HIF3A: variants seen among roughly 807,000 people sequenced by gnomAD.
HIF3A encodes hypoxia-inducible factor 3-alpha.
Under a neutral mutation model 67.2 loss-of-function variants are expected in HIF3A, and 41 were observed. The observed-to-expected ratio is 0.61, with a 90% CI of 0.48 to 0.79. HIF3A has a LOEUF of 0.79. Among genes scored for constraint, HIF3A ranks in the 30% least tolerant of loss-of-function variants. The pLI, the probability that HIF3A is intolerant of heterozygous loss-of-function variation, is 0.00. For synonymous variants in HIF3A, 356 were observed against 374.8 expected, an observed-to-expected ratio of 0.95 and a Z score of 0.58; for missense variants, 855 against 898.0, an observed-to-expected ratio of 0.95 and a Z score of 0.61.
rs1968761326 is a variant in HIF3A at position 46,305,475 on chromosome 19, CT to C, written c.363+88del. 2.4e-6 allele frequency: 3 copies of C among 1,268,056 alleles called. No homozygotes were observed. In the Admixed American group the frequency reaches 6.0e-5, roughly 25 times the overall value. The allele number at this position is 1,268,056 out of a possible 1,614,324, so 78.6% of individuals were successfully genotyped here. A position where few individuals can be genotyped will look rare whatever the true frequency, so the allele number is the denominator to read the frequency against. ...GTGACCAGGACAGCCATAGCCCTAC[CT>C]TTATGGGACTCACAATACAAAGGGG... On this transcript the variant is annotated intron_variant, in intron 3 of 14. Coordinates refer to ENST00000377670, the MANE Select transcript of HIF3A (RefSeq NM_152795.4).
rs753584193 is a variant in HIF3A, at chr19:46,329,194, C to T, written c.1441-13C>T. ...CAAGGCTCATCCTCTTACCTCCCTC[C>T]TGCCCTCCGCAGGATGCTGATGCTC... On this transcript the variant is annotated splice_polypyrimidine_tract_variant and intron_variant, in intron 11 of 14. Transcript: ENST00000377670. The T allele has an allele frequency of 5.7e-6, 9 of 1,584,260 alleles. No homozygotes were observed. The South Asian group carries it at 9.2e-5, about 16-fold the overall frequency.
chr19:46,333,066 A>G (rs1047613425), intron 13 of HIF3A, among the ~76,000 whole-genome samples: 1 of 151,942 alleles, frequency 6.6e-6, no homozygotes, highest in East Asian at 1.9e-4. Context: ...ATATACATAT[A>G]TAACAGCTTA....
chr19:46,329,419 C>T lies in HIF3A; in HGVS notation c.1653C>T (p.Cys551=). 3.1e-6 allele frequency: 5 copies of T among 1,591,510 alleles called. No individual in the cohort carries two copies. The highest frequency in any genetic ancestry group is 4.3e-6 in the Non-Finnish European group (5 of 1,167,854). Residue 551 remains cysteine, a synonymous_variant, in exon 12 of 15, where the codon TGC becomes TGT. Coordinates refer to ENST00000377670, the MANE Select transcript of HIF3A (RefSeq NM_152795.4). ...GGGGGAGTGACCCCCGGCTGAGCTG[C>T]TCCAGCCCTTCCAGAGGGGACCCCT... ...PRWGSDPRLS[C]SSPSRGDPSA...
intron 10 of HIF3A, among the ~76,000 whole-genome samples, chr19:46,324,314 A>G (rs1970600321): frequency 6.6e-6 from 1 of 152,176 alleles, no homozygotes; most frequent in Non-Finnish European, 1.5e-5. Flanking sequence ...TGCTCAACAG[A>G]TCATACCAGT....
intron 2 of HIF3A, 60 bp from the exon 3 acceptor site, chr19:46,305,185 G>T (rs1424409617): frequency 6.2e-7 from 1 of 1,611,590 alleles, no homozygotes; most frequent in Admixed American, 1.7e-5. Flanking sequence ...CCCAGGGTCA[G>T]TCCATAATTC....
At chr19:46,329,513 A>T in intron 12 of HIF3A, 35 bp downstream of exon 12, 1 of 1,471,456 alleles carries the variant, frequency 6.8e-7, no homozygotes. Flanking sequence ...TCAAGGCAGC[A>T]TCCCCTCACC....
rs1012580184 is a variant in HIF3A at position 46,342,538 on chromosome 19, G to A, written c.*2916G>A. On this transcript the variant is annotated 3_prime_UTR_variant, in exon 15 of 15. Transcript: ENST00000377670. ...GGCATGAGCCACTGAGCCCAGCCAG[G>A]CTTTTTCTAATTCTATGCTTTATTC... The A allele has an allele frequency of 2.0e-5, 3 of 152,100 alleles. No homozygotes were observed. The highest frequency in any genetic ancestry group is 3.2e-3 in the Middle Eastern group (1 of 316). The allele number at this position is 152,100 out of a possible 1,614,324, so 9.4% of individuals were successfully genotyped here.
chr19:46,310,656 C>T (rs1260578979), intron 6 of HIF3A: 2 of 455,644 alleles, frequency 4.4e-6, no homozygotes, highest in South Asian at 1.6e-5. Context: ...GGAATCATAA[C>T]AGAACCTGCC....
At chr19:46,300,974 C>T (rs979219313) in intron 1 of HIF3A, among the ~76,000 whole-genome samples, 1 of 151,980 alleles carries the variant, frequency 6.6e-6, no homozygotes, top group African/African-American at 2.4e-5. Flanking sequence ...CCAGTTCCCA[C>T]TCCCTGTTCC....
intron 12 of HIF3A, 41 bp from the exon 13 acceptor site, chr19:46,331,115 A>T: frequency 6.6e-7 from 1 of 1,518,934 alleles, no homozygotes; most frequent in Non-Finnish European, 9.1e-7. Context: ...ACACTTGCCC[A>T]GGTTTGCTGT....
chr19:46,329,603 G>A lies in HIF3A; in HGVS notation c.1712+125G>A, dbSNP rs116939127. The A allele has an allele frequency of 1.6e-4, 195 of 1,204,458 alleles. No homozygotes were observed. The East Asian group carries it at 3.6e-3, about 22-fold the overall frequency. The allele number at this position is 1,204,458 out of a possible 1,614,324, so 74.6% of individuals were successfully genotyped here. A position where few individuals can be genotyped will look rare whatever the true frequency, so the allele number is the denominator to read the frequency against. ...TGATCTCTGCTCCAGCCAGGCCCTCGGTGGGCCCAGCACATGCCAAGTTTG... is the reference window on the plus strand; with the variant it reads ...TGATCTCTGCTCCAGCCAGGCCCTCAGTGGGCCCAGCACATGCCAAGTTTG... On this transcript the variant is annotated intron_variant, in intron 12 of 14. Coordinates refer to ENST00000377670, the MANE Select transcript of HIF3A (RefSeq NM_152795.4).
At chr19:46,298,293 C>G (rs573546057) in intron 1 of HIF3A, 1 of 760,100 alleles carries the variant, frequency 1.3e-6, no homozygotes, top group African/African-American at 1.8e-5. Context: ...CCTTTTGGGC[C>G]AGCTGTCGTT....
chr19:46,315,974 T>C (rs1034544019), intron 8 of HIF3A, among the ~76,000 whole-genome samples: 2 of 152,034 alleles, frequency 1.3e-5, no homozygotes, highest in East Asian at 3.9e-4. Context: ...CTCATGCCTG[T>C]AATCCCAGCA....
intron 8 of HIF3A, chr19:46,313,190 G>A (rs1370827276): frequency 8.0e-6 from 5 of 622,098 alleles, no homozygotes; most frequent in African/African-American, 2.0e-5. Context: ...GGTGGAGGCT[G>A]CAGTGAGCCG....
intron 1 of HIF3A, among the ~76,000 whole-genome samples, chr19:46,301,136 A>G (rs1471322819): frequency 6.6e-6 from 1 of 152,136 alleles, no homozygotes; most frequent in South Asian, 2.1e-4. Context: ...GGACGGGGAC[A>G]GGGGCCGTAT....
intron 8 of HIF3A, among the ~76,000 whole-genome samples, chr19:46,313,634 G>A (rs1048551675): frequency 6.7e-6 from 1 of 149,232 alleles, no homozygotes; most frequent in African/African-American, 2.5e-5. Flanking sequence ...CAATTAGTGT[G>A]ATTATAATAG....
chr19:46,329,432 A>G lies in HIF3A; in HGVS notation c.1666A>G (p.Arg556Gly), dbSNP rs1046369137. 24 of 1,574,138 alleles carry G rather than the reference A, an allele frequency of 1.5e-5. No homozygotes were observed. Among genetic ancestry groups the G allele is most frequent in the Non-Finnish European group, 1.6e-5 (18 of 1,159,288 alleles). The change falls in exon 12 of 15, where the codon AGA becomes GGA. Residue 556 changes from arginine to glycine, a missense_variant. Physicochemically the swap from Arg to Gly is moderately radical, Grantham distance 125. Transcript: ENST00000377670. ...DPRLSCSSPS[R>G]GDPSASSPMA... The stretch of plus-strand genomic sequence containing the variant: ...CCGGCTGAGCTGCTCCAGCCCTTCC[A>G]GAGGGGACCCCTCAGCATCCTCTCC...
At position 46,304,064 on chromosome 19, in the gene HIF3A, C is replaced by A; in HGVS notation, c.193C>A (p.Arg65Ser). The change falls in exon 2 of 15, where the codon CGC becomes AGC. Residue 65 changes from arginine to serine, a missense_variant. Around this residue, in one of 3 missense-constraint regions of HIF3A, gnomAD observed 638 missense variants for 660.5 expected, o/e 0.97. Coordinates refer to ENST00000377670, the MANE Select transcript of HIF3A (RefSeq NM_152795.4). ...CATGCGCCTCACCATCAGCTACCTG[C>A]GCATGCACCGCCTCTGCGCCGCAGG... ...SIMRLTISYL[R>S]MHRLCAAGEW... The A allele has an allele frequency of 6.3e-7, 1 of 1,576,406 alleles. No individual in the cohort carries two copies. Among genetic ancestry groups the A allele is most frequent in the Non-Finnish European group, 8.6e-7 (1 of 1,162,350 alleles).
chr19:46,329,274 A>G lies in HIF3A; in HGVS notation c.1508A>G (p.Asn503Ser), dbSNP rs770038007. ...YISMDDDFQL[N>S]ASEQLPRAYH... Reference sequence around the variant, plus strand: ...TCCATGGATGATGACTTCCAGCTCAACGCCAGCGAGCAGCTACCCAGGGCC... The same window carrying G: ...TCCATGGATGATGACTTCCAGCTCAGCGCCAGCGAGCAGCTACCCAGGGCC... The change falls in exon 12 of 15, where the codon AAC becomes AGC. Residue 503 changes from asparagine (N) to serine (S), a missense_variant. Coordinates refer to ENST00000377670, the MANE Select transcript of HIF3A (RefSeq NM_152795.4). 3 of 1,613,134 alleles carry G rather than the reference A, an allele frequency of 1.9e-6. No homozygotes were observed. Among genetic ancestry groups the G allele is most frequent in the Middle Eastern group, 1.6e-4 (1 of 6,084 alleles).
Sources: gnomAD v4.1 joint callset for allele counts (sites outside exome capture counted in the v4.1 genomes callset) on GRCh38, gnomAD v4.1.1 for gene constraint, gnomAD v4.1.1 regional missense constraint, MANE v1.5 for transcripts, NCBI Gene and HGNC (gene_info 2026-07-23, HGNC 2026-07-21) for gene names.